Variants in MCF2L2 observed in about 807,000 individuals in gnomAD.
MCF2L2 encodes probable guanine nucleotide exchange factor MCF2L2.
A neutral mutation model predicts 150.2 loss-of-function variants in MCF2L2; 102 were observed. The ratio of observed to expected loss-of-function variants is 0.68; its 90% CI spans 0.58 to 0.80. The LOEUF (loss-of-function observed/expected upper bound fraction) is 0.80, where lower values mean the gene tolerates loss of function less well. Ranked by LOEUF, MCF2L2 falls within the 30% of genes least tolerant of loss-of-function variation. The pLI, the probability that MCF2L2 is intolerant of heterozygous loss-of-function variation, is 0.00. For missense variants in MCF2L2, 1,256 were observed against 1,372.8 expected, an observed-to-expected ratio of 0.91 and a Z score of 1.34; for synonymous variants, 465 against 491.3, an observed-to-expected ratio of 0.95 and a Z score of 0.71.
chr3:183,366,874 C>T (rs963314151), intron 3 of MCF2L2, among the ~76,000 whole-genome samples: 9 of 152,008 alleles, frequency 5.9e-5, no homozygotes, highest in African/African-American at 1.9e-4. Flanking sequence ...GCATTACACA[C>T]TCTATAATAA....
chr3:183,243,704 G>T (rs984639170), intron 15 of MCF2L2, among the ~76,000 whole-genome samples: 4 of 152,194 alleles, frequency 2.6e-5, no homozygotes, highest in African/African-American at 7.2e-5. Flanking sequence ...CTCATGAGTG[G>T]TGAATCAGGA....
rs148217377 is a variant in MCF2L2 at position 183,387,194 on chromosome 3, G to A, written c.160+2502C>T. Among the ~76,000 whole-genome samples the A allele has an allele frequency of 1.6e-4, 24 of 151,664 alleles. No homozygotes were observed. The East Asian group carries it at 4.7e-3, about 29-fold the overall frequency. The stretch of plus-strand genomic sequence containing the variant: ...GTAGGAGGATCACTTGAGCCTGGGA[G>A]GTCAAGGCTGCAGTGAGCCAAGACG... On this transcript the variant is annotated intron_variant, in intron 2 of 29. Coordinates refer to ENST00000328913, the MANE Select transcript of MCF2L2 (RefSeq NM_015078.4).
At chr3:183,339,031 A>G (rs1351205527) in intron 4 of MCF2L2, 112 bp from the exon 5 acceptor site, 2 of 1,064,784 alleles carry the variant, frequency 1.9e-6, no homozygotes, top group African/African-American at 3.1e-5. Context: ...GGAAAAGTTA[A>G]AACGGATGCC....
chr3:183,420,706 G>A (rs1048125447), intron 1 of MCF2L2, among the ~76,000 whole-genome samples: 9 of 152,200 alleles, frequency 5.9e-5, no homozygotes, highest in African/African-American at 1.2e-4. Context: ...ACTTATAATC[G>A]TGACAGAAGG....
Position 183,270,132 on chromosome 3 carries a change from G to A in MCF2L2, c.1862+6740C>T. 1 of 1,614,062 alleles carries A rather than the reference G, an allele frequency of 6.2e-7. No homozygotes were observed. Among genetic ancestry groups the A allele is most frequent in the Non-Finnish European group, 8.5e-7 (1 of 1,180,018 alleles). On this transcript the variant is annotated intron_variant, in intron 15 of 29. Transcript: ENST00000328913. This position sits in a 1 kb window ranked among gnomAD's most constrained non-coding sequence, Gnocchi z 4.5. ...ACGTTCCGGAATTAGAAGGACGTGG[G>A]GCAATGAAAATTATGTTCGGTCTCA...
At chr3:183,287,464 G>C (rs1727859183) in intron 14 of MCF2L2, 1 of 152,144 alleles carries the variant, frequency 6.6e-6, no homozygotes, top group Admixed American at 6.5e-5. Context: ...AGAAGTCCAG[G>C]GTGCAGAAAT....
chr3:183,219,198 T>C (rs925650441), intron 21 of MCF2L2, among the ~76,000 whole-genome samples: 5 of 152,116 alleles, frequency 3.3e-5, no homozygotes, highest in African/African-American at 9.7e-5. Context: ...TACTAAGAGG[T>C]ACAAAGAAGA....
chr3:183,192,997 A>G lies in MCF2L2; in HGVS notation c.3016+2T>C, dbSNP rs1181217517. On this transcript the variant is annotated splice_donor_variant, in intron 27 of 29. Coordinates refer to ENST00000328913, the MANE Select transcript of MCF2L2 (RefSeq NM_015078.4). LOFTEE classifies it high-confidence loss of function. ...TCCACTCTCCCATGGGACCCTCCCT[A>G]CCTTTAATCCCTCCTGTGCTGGAGG... 9 of 1,612,656 alleles carry G rather than the reference A, an allele frequency of 5.6e-6. No homozygotes were observed. The highest frequency in any genetic ancestry group is 7.6e-6 in the Non-Finnish European group (9 of 1,178,826).
At chr3:183,360,247 T>C (rs1712051141) in intron 3 of MCF2L2, among the ~76,000 whole-genome samples, 1 of 152,150 alleles carries the variant, frequency 6.6e-6, no homozygotes, top group African/African-American at 2.4e-5. Flanking sequence ...CAGATGACTC[T>C]GGAGGAAACA....
intron 13 of MCF2L2, among the ~76,000 whole-genome samples, chr3:183,294,378 T>A (rs1728341337): frequency 6.6e-6 from 1 of 151,858 alleles, no homozygotes; most frequent in African/African-American, 2.4e-5. Flanking sequence ...TGAGACAGAG[T>A]TTTGCTCTTG....
In MCF2L2 at chr3:183,338,789, G is replaced by T; in HGVS notation, c.486+11C>A. On this transcript the variant is annotated intron_variant, in intron 5 of 29. Coordinates refer to ENST00000328913, the MANE Select transcript of MCF2L2 (RefSeq NM_015078.4). ...CTAACCAAATGAGACAAGATGAAAGGTCTTGCTTACCGGCACTTTCGTTTT... is the reference window on the plus strand; with the variant it reads ...CTAACCAAATGAGACAAGATGAAAGTTCTTGCTTACCGGCACTTTCGTTTT... 6.3e-7 allele frequency: 1 copy of T among 1,593,518 alleles called. No homozygotes were observed. Among genetic ancestry groups the T allele is most frequent in the Non-Finnish European group, 8.6e-7 (1 of 1,166,078 alleles).
chr3:183,338,495 TC>T (rs1228759352), intron 5 of MCF2L2, among the ~76,000 whole-genome samples: 1 of 148,288 alleles, frequency 6.7e-6, no homozygotes, highest in Non-Finnish European at 1.5e-5. Flanking sequence ...CTTCCCTGGA[TC>T]CCCACTGTCT....
intron 1 of MCF2L2, among the ~76,000 whole-genome samples, chr3:183,422,100 G>C (rs952807954): frequency 6.6e-6 from 1 of 152,140 alleles, no homozygotes; most frequent in Non-Finnish European, 1.5e-5. Flanking sequence ...TTAAATTCAG[G>C]CAAAGATAGT....
intron 12 of MCF2L2, among the ~76,000 whole-genome samples, chr3:183,295,936 C>T (rs1427221076): frequency 4.6e-5 from 7 of 152,136 alleles, no homozygotes; most frequent in South Asian, 2.1e-4. Flanking sequence ...CCAGCCTGGG[C>T]GACAGAGCGA....
chr3:183,191,589 G>A (rs1576909610), intron 27 of MCF2L2, among the ~76,000 whole-genome samples: 1 of 152,104 alleles, frequency 6.6e-6, no homozygotes, highest in Non-Finnish European at 1.5e-5. Context: ...TGCTGCTGCC[G>A]TAACTTTGGC....
At chr3:183,300,334 A>G in intron 10 of MCF2L2, 138 bp from the exon 11 acceptor site, 2 of 767,444 alleles carry the variant, frequency 2.6e-6, no homozygotes, top group Non-Finnish European at 4.0e-6. Context: ...GAACCTGAGA[A>G]AGCTCGGAAT....
chr3:183,413,590 A>G (rs1715431709), intron 1 of MCF2L2, among the ~76,000 whole-genome samples: 1 of 152,176 alleles, frequency 6.6e-6, no homozygotes, highest in Non-Finnish European at 1.5e-5. Flanking sequence ...TGGCAAAAAT[A>G]TCTCCAGGAT....
intron 15 of MCF2L2, chr3:183,272,983 T>C (rs1726910991): frequency 1.4e-6 from 2 of 1,473,588 alleles, no homozygotes; most frequent in East Asian, 2.7e-5. Context: ...CAAGGAAATA[T>C]GAAGGCACTT....
At chr3:183,246,856 C>CT (rs1469813240) in intron 15 of MCF2L2, among the ~76,000 whole-genome samples, 1 of 152,090 alleles carries the variant, frequency 6.6e-6, no homozygotes, top group Non-Finnish European at 1.5e-5. Flanking sequence ...GATTATCATT[C>CT]TTTTTTTAAA....
Sources: allele counts gnomAD v4.1 joint callset (sites outside exome capture counted in the v4.1 genomes callset), GRCh38; gene constraint gnomAD v4.1.1; non-coding constraint Gnocchi (gnomAD v3.1); transcripts MANE v1.5; gene names NCBI Gene and HGNC (gene_info 2026-07-23, HGNC 2026-07-21).